The following ROS1 variants were observed in gnomAD, a reference collection of about 807,000 sequenced individuals.
ROS1 encodes the protein proto-oncogene tyrosine-protein kinase ROS.
Under a neutral mutation model 273.5 loss-of-function variants are expected in ROS1, and 263 were observed. The ratio of observed to expected loss-of-function variants is 0.96; its 90% CI spans 0.87 to 1.06. ROS1 has a LOEUF of 1.06. Among genes scored for constraint, ROS1 ranks in the 50% least tolerant of loss-of-function variants. The probability of loss-of-function intolerance (pLI) is 0.00; values close to 1 mark genes in which losing one functional copy is unlikely to be tolerated. For missense variants in ROS1, 2,833 were observed against 2,751.1 expected (o/e 1.03, Z -0.67); for synonymous variants, 1,008 against 954.1 (o/e 1.06, Z -1.04).
chr6:117,321,292 C>T lies in ROS1; in HGVS notation c.5726G>A (p.Gly1909Glu). ...ELAELRGLAA[G>E]VGLANACYAI... ...ATAGCAGGCATTAGCCAGGCCTACT[C>T]CGGCTGCCAGACCTCGCAGCTCAGC... The change falls in exon 36 of 44, where the codon GGA becomes GAA. Residue 1909 changes from glycine (G) to glutamate (E), a missense_variant. Gly to Glu is a moderately conservative substitution (Grantham distance 98, BLOSUM62 -2). Transcript: ENST00000368507. 1 of 1,613,856 alleles carries T rather than the reference C, an allele frequency of 6.2e-7. No homozygotes were observed. Among genetic ancestry groups the T allele is most frequent in the Non-Finnish European group, 8.5e-7 (1 of 1,179,846 alleles).
chr6:117,349,216 C>A (rs1177506152), intron 27 of ROS1, among the ~76,000 whole-genome samples: 1 of 151,858 alleles, frequency 6.6e-6, no homozygotes, highest in Non-Finnish European at 1.5e-5. Context: ...CTGTTTCTTG[C>A]AGTTCTATCA....
intron 5 of ROS1, among the ~76,000 whole-genome samples, chr6:117,404,968 A>G (rs1774277365): frequency 6.6e-6 from 1 of 151,312 alleles, no homozygotes; most frequent in Non-Finnish European, 1.5e-5. Flanking sequence ...GGACATCTAA[A>G]CATTAGACGT....
intron 7 of ROS1, among the ~76,000 whole-genome samples, chr6:117,402,681 A>T (rs1270815811): frequency 6.6e-6 from 1 of 152,186 alleles, no homozygotes; most frequent in African/African-American, 2.4e-5. Context: ...TGAGGTCAGG[A>T]ATACAAGACC....
At chr6:117,303,816 C>A (rs1226118377) in intron 42 of ROS1, among the ~76,000 whole-genome samples, 2 of 152,102 alleles carry the variant, frequency 1.3e-5, no homozygotes, top group African/African-American at 4.8e-5. Context: ...GAGGTAATGC[C>A]TGTGGAGCTA....
At chr6:117,409,809 T>A (rs762003782) in intron 4 of ROS1, among the ~76,000 whole-genome samples, 167 bp from the exon 5 acceptor site, 9 of 152,364 alleles carry the variant, frequency 5.9e-5, no homozygotes, top group Non-Finnish European at 1.2e-4. Flanking sequence ...TACATCTTTA[T>A]GTCAACTATT....
At chr6:117,422,558 A>C (rs185845458) in intron 1 of ROS1, among the ~76,000 whole-genome samples, 85 of 150,432 alleles carry the variant, frequency 5.7e-4, no homozygotes, top group Non-Finnish European at 9.6e-4. Context: ...TTATGATCTT[A>C]TTATATTATT....
chr6:117,389,810 T>A lies in ROS1; in HGVS notation c.1326A>T (p.Arg442Ser), dbSNP rs758345543. 2 of 1,611,966 alleles carry A rather than the reference T, an allele frequency of 1.2e-6. No individual in the cohort carries two copies. Among genetic ancestry groups the A allele is most frequent in the Admixed American group, 3.3e-5 (2 of 59,976 alleles). ...GGCCAGATGGTACAGGAAGGTCTGC[T>A]CTATAAATGCCATCTCTCAGGAGGT... ...VFYLLRDGIY[R>S]ADLPVPSGRC... The change falls in exon 13 of 44, where the codon AGA becomes AGT. Residue 442 changes from arginine to serine, a missense_variant. Transcript: ENST00000368507.
At chr6:117,390,236 C>G (rs1719692635) in intron 12 of ROS1, among the ~76,000 whole-genome samples, 1 of 152,142 alleles carries the variant, frequency 6.6e-6, no homozygotes, top group South Asian at 2.1e-4. Flanking sequence ...AGGTGATCCT[C>G]CCACACCTCA....
intron 12 of ROS1, among the ~76,000 whole-genome samples, chr6:117,392,858 A>G (rs1050528172): frequency 1.3e-5 from 2 of 152,186 alleles, no homozygotes; most frequent in East Asian, 3.8e-4. Flanking sequence ...AACAGGTGGA[A>G]TGAAGGGGCT....
chr6:117,298,065 A>G (rs1042993475), intron 43 of ROS1, among the ~76,000 whole-genome samples: 4 of 152,190 alleles, frequency 2.6e-5, no homozygotes, highest in Admixed American at 6.5e-5. Context: ...TGTATTTTGT[A>G]GCAACATGGA....
At position 117,363,277 on chromosome 6, in the gene ROS1, C is replaced by A. The variant is rs532400955; in HGVS notation, c.3104-412G>T. On this transcript the variant is annotated intron_variant, in intron 21 of 43. Transcript: ENST00000368507. ...ATGGATGGCAGTAAGTCCCACCAGC[C>A]TTCAGCCAGTTCAGGTTGTAAAACA... is the stretch of plus-strand genomic sequence containing the variant. Among the ~76,000 whole-genome samples the A allele has an allele frequency of 5.3e-5, 8 of 152,140 alleles. No homozygotes were observed. In the South Asian group the frequency reaches 1.7e-3, roughly 32 times the overall value.
chr6:117,297,990 C>T (rs989299873), intron 43 of ROS1, among the ~76,000 whole-genome samples: 4 of 152,022 alleles, frequency 2.6e-5, no homozygotes, highest in Admixed American at 2.6e-4. Context: ...CTATGGATGA[C>T]TGGATAATGA....
intron 3 of ROS1, among the ~76,000 whole-genome samples, 193 bp from the exon 4 acceptor site, chr6:117,414,738 A>G: frequency 6.6e-6 from 1 of 152,228 alleles, no homozygotes; most frequent in East Asian, 1.9e-4. Flanking sequence ...AGCTCTAAAA[A>G]TTAAGCTGTT....
chr6:117,296,235 T>TA (rs142073240), intron 43 of ROS1, among the ~76,000 whole-genome samples: 4 of 151,580 alleles, frequency 2.6e-5, no homozygotes, highest in South Asian at 2.1e-4. Context: ...CAGTCTCTAC[T>TA]AAAAAAAATA....
chr6:117,362,157 T>C (rs140519778), intron 22 of ROS1, among the ~76,000 whole-genome samples: 1 of 152,198 alleles, frequency 6.6e-6, no homozygotes, highest in East Asian at 1.9e-4. Context: ...ATTTGCAAAG[T>C]TCCCTGAATG....
intron 18 of ROS1, 140 bp from the exon 19 acceptor site, chr6:117,366,430 A>T (rs1780248934): frequency 1.6e-6 from 1 of 627,502 alleles, no homozygotes; most frequent in African/African-American, 1.8e-5. Context: ...CTTTCTAACG[A>T]TTATTGTCTT....
rs913271811 is a variant in ROS1 at position 117,287,980 on chromosome 6, A to G, written c.*512T>C. Among the ~76,000 whole-genome samples the G allele has an allele frequency of 2.0e-5, 3 of 152,022 alleles. No homozygotes were observed. Among genetic ancestry groups the G allele is most frequent in the Admixed American group, 6.6e-5 (1 of 15,236 alleles). On this transcript the variant is annotated 3_prime_UTR_variant, in exon 44 of 44. Transcript: ENST00000368507. ...ATATCATTGCAGTAACAGCTTTCCA[A>G]GTGATTTCTCAAGTCACAGGTGCTG...
intron 2 of ROS1, among the ~76,000 whole-genome samples, chr6:117,417,035 T>C (rs1775390291): frequency 6.6e-6 from 1 of 152,020 alleles, no homozygotes; most frequent in Admixed American, 6.6e-5. Flanking sequence ...CTCTCACTCT[T>C]CTAGTTCTCC....
intron 41 of ROS1, among the ~76,000 whole-genome samples, chr6:117,309,633 G>A (rs1775381800): frequency 6.6e-6 from 1 of 151,946 alleles, no homozygotes; most frequent in African/African-American, 2.4e-5. Flanking sequence ...CAAAAATAAG[G>A]GGCATCATTC....
Sources: gnomAD v4.1 joint callset for allele counts (sites outside exome capture counted in the v4.1 genomes callset) on GRCh38, gnomAD v4.1.1 for gene constraint, MANE v1.5 for transcripts, NCBI Gene and HGNC (gene_info 2026-07-23, HGNC 2026-07-21) for gene names.